STAG1: variants seen among roughly 807,000 people sequenced by gnomAD.
STAG1 encodes the protein cohesin subunit SA-1.
A neutral mutation model predicts 170.9 loss-of-function variants in STAG1; 26 were observed. That is an observed-to-expected ratio of 0.15 (90% confidence interval 0.11 to 0.21). The LOEUF is 0.21. STAG1 is among the 10% of genes least tolerant of loss of function. The pLI, the probability that STAG1 is intolerant of heterozygous loss-of-function variation, is 1.00. For synonymous variants in STAG1, 514 were observed against 497.7 expected (o/e 1.03, Z -0.44); for missense variants, 964 against 1,509.5 (o/e 0.64, Z 5.99).
chr3:136,376,504 G>A (rs1013245664), intron 23 of STAG1, among the ~76,000 whole-genome samples: 2 of 151,974 alleles, frequency 1.3e-5, no homozygotes, highest in African/African-American at 2.4e-5. Context: ...CCAAGTATAG[G>A]GACTCAGAAA....
At position 136,383,970 on chromosome 3, in the gene STAG1, A is replaced by G. The variant is rs530131140; in HGVS notation, c.2278-6218T>C. ...ACTCCGTCTCAAAAAAAAAAAAAAA[A>G]AAAGAAACAGAAACAGTCACAGAGA... On this transcript the variant is annotated intron_variant, in intron 22 of 33. Coordinates refer to ENST00000383202, the MANE Select transcript of STAG1 (RefSeq NM_005862.3). 1.9e-3 allele frequency among the ~76,000 whole-genome samples: 294 copies of G among 151,052 alleles called. 1 individual carries two copies. The highest frequency in any genetic ancestry group is 4.9e-3 in the African/African-American group (204 of 41,296).
chr3:136,389,762 C>T (rs1188562993), intron 22 of STAG1, among the ~76,000 whole-genome samples: 2 of 151,902 alleles, frequency 1.3e-5, no homozygotes, highest in African/African-American at 2.4e-5. Flanking sequence ...TCAGGTGATC[C>T]ACCCATCTTG....
chr3:136,690,260 A>G (rs990065212), intron 1 of STAG1, among the ~76,000 whole-genome samples: 1 of 152,072 alleles, frequency 6.6e-6, no homozygotes, highest in African/African-American at 2.4e-5. Context: ...GTTTTGAGAG[A>G]GAGTCTCACT....
chr3:136,666,516 G>C (rs1302765838), intron 1 of STAG1, among the ~76,000 whole-genome samples: 1 of 152,142 alleles, frequency 6.6e-6, no homozygotes, highest in East Asian at 1.9e-4. Context: ...AAGATCACAT[G>C]ATGAATAACT....
At chr3:136,606,001 G>A (rs185549999) in intron 3 of STAG1, among the ~76,000 whole-genome samples, 1 of 151,806 alleles carries the variant, frequency 6.6e-6, no homozygotes, top group East Asian at 1.9e-4. Flanking sequence ...AATATATAGA[G>A]TTCATTGCTT....
intron 3 of STAG1, among the ~76,000 whole-genome samples, chr3:136,614,356 C>T (rs1939469410): frequency 6.6e-6 from 1 of 152,150 alleles, no homozygotes; most frequent in Admixed American, 6.5e-5. Context: ...AATGAAATAT[C>T]TATGGTCCAT....
chr3:136,546,523 TAAC>T (rs751432076), intron 5 of STAG1, among the ~76,000 whole-genome samples: 1 of 152,162 alleles, frequency 6.6e-6, no homozygotes, highest in Non-Finnish European at 1.5e-5. Flanking sequence ...AATAAAATGA[TAAC>T]AATAAAAAGT....
At chr3:136,530,649 AAC>A (rs1484956064) in intron 6 of STAG1, among the ~76,000 whole-genome samples, 4 of 152,178 alleles carry the variant, frequency 2.6e-5, no homozygotes, top group Non-Finnish European at 5.9e-5. Flanking sequence ...AAAATTAAAA[AAC>A]ACACTCTTGA....
intron 12 of STAG1, among the ~76,000 whole-genome samples, chr3:136,465,913 G>A (rs2089443668): frequency 6.6e-6 from 1 of 152,134 alleles, no homozygotes; most frequent in Admixed American, 6.6e-5. Flanking sequence ...GCATGGCAGT[G>A]CATGCCTGCC....
intron 1 of STAG1, among the ~76,000 whole-genome samples, chr3:136,691,848 A>G (rs1310742617): frequency 3.3e-5 from 5 of 152,230 alleles, no homozygotes; most frequent in Non-Finnish European, 5.9e-5. Context: ...TAGTAAGGAC[A>G]AGTCCCGGGG....
intron 5 of STAG1, among the ~76,000 whole-genome samples, chr3:136,542,412 C>T (rs1208151573): frequency 6.6e-6 from 1 of 152,096 alleles, no homozygotes; most frequent in Admixed American, 6.5e-5. Flanking sequence ...CCGTTTTTAA[C>T]TATAAATAAT....
At chr3:136,453,754 T>C (rs1247456798) in intron 13 of STAG1, among the ~76,000 whole-genome samples, 1 of 130,960 alleles carries the variant, frequency 7.6e-6, no homozygotes, top group Non-Finnish European at 1.7e-5. Context: ...TAAAGAAAAG[T>C]AAAAAAAAAA....
At chr3:136,440,309 T>C (rs933547323) in intron 15 of STAG1, among the ~76,000 whole-genome samples, 2 of 151,976 alleles carry the variant, frequency 1.3e-5, no homozygotes, top group Non-Finnish European at 2.9e-5. Flanking sequence ...GGCTAATTTT[T>C]CATATTTTTA....
intron 21 of STAG1, 28 bp from the exon 22 acceptor site, chr3:136,398,857 A>T: frequency 6.9e-7 from 1 of 1,457,010 alleles, no homozygotes; most frequent in Non-Finnish European, 9.2e-7. Flanking sequence ...AAATTTTTTT[A>T]ATGAAAAATT....
intron 7 of STAG1, chr3:136,518,435 G>A: frequency 1.4e-6 from 1 of 699,632 alleles, no homozygotes; most frequent in South Asian, 1.5e-5. Context: ...GAATAAAAAT[G>A]ATTATCTTTT....
Position 136,363,142 on chromosome 3 carries a change from C to A in STAG1, c.2787+224G>T, listed in dbSNP as rs140084270. ...TTTCATCTAGTCCAAGAATAAATCA[C>A]CTTAGGATTGCATCTATTTGAAATA... On this transcript the variant is annotated intron_variant, in intron 26 of 33. Transcript: ENST00000383202. 7.2e-4 allele frequency among the ~76,000 whole-genome samples: 110 copies of A among 152,130 alleles called. 1 individual carries two copies. Among genetic ancestry groups the A allele is most frequent in the Admixed American group, 1.4e-3 (21 of 15,272 alleles).
chr3:136,458,458 A>T (rs2089180670), intron 13 of STAG1, among the ~76,000 whole-genome samples: 1 of 152,164 alleles, frequency 6.6e-6, no homozygotes, highest in Admixed American at 6.5e-5. Flanking sequence ...TGCCCTACAT[A>T]AAATAACCTG....
chr3:136,600,880 GTTTTGTTTT>G (rs1340397743), intron 4 of STAG1, among the ~76,000 whole-genome samples: 2 of 139,234 alleles, frequency 1.4e-5, no homozygotes, highest in African/African-American at 2.7e-5. Context: ...GTTTTGTTTT[GTTTTGTTTT>G]GTTTTGTTTT....
intron 12 of STAG1, among the ~76,000 whole-genome samples, chr3:136,469,655 A>G (rs2089569900): frequency 6.6e-6 from 1 of 152,226 alleles, no homozygotes; most frequent in South Asian, 2.1e-4. Flanking sequence ...ATATGGAACC[A>G]AAAAAGAGCT....
Sources: allele counts gnomAD v4.1 joint callset (sites outside exome capture counted in the v4.1 genomes callset), GRCh38; gene constraint gnomAD v4.1.1; transcripts MANE v1.5; gene names NCBI Gene and HGNC (gene_info 2026-07-23, HGNC 2026-07-21).